The following KALRN variants were observed in gnomAD, a reference collection of about 807,000 sequenced individuals.
The protein encoded by KALRN is kalirin RhoGEF kinase.
Under a neutral mutation model 353.7 loss-of-function variants are expected in KALRN, and 70 were observed. The ratio of observed to expected loss-of-function variants is 0.20; its 90% CI spans 0.16 to 0.24. The LOEUF is 0.24. Ranked by LOEUF, KALRN falls within the 10% of genes least tolerant of loss-of-function variation. The pLI is 1.00. For missense variants in KALRN, 2,791 were observed against 3,756.7 expected, an observed-to-expected ratio of 0.74 and a Z score of 6.72; for synonymous variants, 1,391 against 1,434.8, an observed-to-expected ratio of 0.97 and a Z score of 0.69.
intron 1 of KALRN, among the ~76,000 whole-genome samples, chr3:124,063,045 G>A (rs1018032341): frequency 4.6e-5 from 7 of 152,182 alleles, no homozygotes; most frequent in Non-Finnish European, 2.9e-5. Flanking sequence ...GTTCAGCTTC[G>A]ATGACTGCTC....
chr3:124,261,559 C>T (rs555605492), intron 3 of KALRN, among the ~76,000 whole-genome samples: 13 of 152,290 alleles, frequency 8.5e-5, no homozygotes, highest in South Asian at 2.1e-4. Flanking sequence ...GAACCTCCTA[C>T]GGAATATTAG....
intron 25 of KALRN, among the ~76,000 whole-genome samples, chr3:124,471,449 C>T (rs1451488005): frequency 6.6e-6 from 1 of 151,776 alleles, no homozygotes; most frequent in Admixed American, 6.6e-5. Context: ...CCACGCCTGG[C>T]TAATTTTTTG....
At chr3:124,309,327 T>C (rs2078018329) in intron 6 of KALRN, among the ~76,000 whole-genome samples, 1 of 152,030 alleles carries the variant, frequency 6.6e-6, no homozygotes, top group Admixed American at 6.6e-5. Flanking sequence ...CAGATAAATC[T>C]GTCACACAAG....
At chr3:124,341,985 G>A (rs2081776453) in intron 9 of KALRN, among the ~76,000 whole-genome samples, 1 of 151,866 alleles carries the variant, frequency 6.6e-6, no homozygotes, top group African/African-American at 2.4e-5. Flanking sequence ...AGCTTTTAGG[G>A]TGTTGGGGGG....
intron 25 of KALRN, 102 bp downstream of exon 25, chr3:124,462,735 G>C (rs914996884): frequency 1.5e-6 from 1 of 656,104 alleles, no homozygotes; most frequent in East Asian, 2.8e-5. Flanking sequence ...ATCTTATCTG[G>C]TCAGTTTTCT....
At chr3:124,416,316 C>T (rs1431562721) in intron 14 of KALRN, among the ~76,000 whole-genome samples, 2 of 152,222 alleles carry the variant, frequency 1.3e-5, no homozygotes, top group Non-Finnish European at 2.9e-5. Context: ...TTGAAAGTCC[C>T]TGAGGACTGC....
chr3:124,660,374 C>T (rs1002718987), intron 43 of KALRN, among the ~76,000 whole-genome samples: 1 of 152,128 alleles, frequency 6.6e-6, no homozygotes, highest in Non-Finnish European at 1.5e-5. Flanking sequence ...CTCACTCTTC[C>T]TTCTCCCATA....
chr3:124,155,702 T>C (rs914393760), intron 1 of KALRN, among the ~76,000 whole-genome samples: 1 of 152,216 alleles, frequency 6.6e-6, no homozygotes, highest in African/African-American at 2.4e-5. Flanking sequence ...TCAGGTTAAA[T>C]TCAGTTTTTC....
intron 25 of KALRN, among the ~76,000 whole-genome samples, chr3:124,468,678 C>T (rs1294316717): frequency 2.6e-5 from 4 of 152,168 alleles, no homozygotes; most frequent in African/African-American, 9.7e-5. Context: ...CTGAAACTTA[C>T]AAAGGTTTAT....
chr3:124,274,718 C>A (rs532689110), intron 5 of KALRN, among the ~76,000 whole-genome samples: 63 of 152,296 alleles, frequency 4.1e-4, no homozygotes, highest in Admixed American at 2.4e-3. Context: ...TGGTGCCTAC[C>A]TCCCCCATGA....
intron 1 of KALRN, among the ~76,000 whole-genome samples, chr3:124,114,711 G>A (rs1380423038): frequency 1.3e-5 from 2 of 152,214 alleles, no homozygotes; most frequent in East Asian, 1.9e-4. Context: ...TGAGCATGGG[G>A]AGATATGAGT....
chr3:124,577,615 A>G (rs1187623913), intron 34 of KALRN, among the ~76,000 whole-genome samples: 1 of 152,212 alleles, frequency 6.6e-6, no homozygotes, highest in Admixed American at 6.5e-5. Flanking sequence ...GGCTGGACAC[A>G]GTGGGTCATG....
Position 124,185,278 on chromosome 3 carries a change from A to G in KALRN, c.74-42712A>G, listed in dbSNP as rs532820945. On this transcript the variant is annotated intron_variant, in intron 1 of 59. Coordinates refer to ENST00000682506, the MANE Select transcript of KALRN (RefSeq NM_001388419.1). Reference sequence around the variant, plus strand: ...CCATCTGCCCGTCTTGGCCTCCCAAATTGCTGGGATTACAGGCGTGAGCCA... The same window carrying G: ...CCATCTGCCCGTCTTGGCCTCCCAAGTTGCTGGGATTACAGGCGTGAGCCA... Among the ~76,000 whole-genome samples the G allele has an allele frequency of 4.3e-4, 66 of 152,290 alleles. No individual in the cohort carries two copies. The South Asian group carries it at 0.013, about 31-fold the overall frequency.
At chr3:124,248,479 T>C (rs1022748366) in intron 3 of KALRN, among the ~76,000 whole-genome samples, 4 of 152,126 alleles carry the variant, frequency 2.6e-5, no homozygotes, top group Non-Finnish European at 5.9e-5. Flanking sequence ...GAACTAGCAG[T>C]GGACTCAGTC....
chr3:124,092,627 C>T (rs1011311503), intron 1 of KALRN, among the ~76,000 whole-genome samples: 5 of 152,208 alleles, frequency 3.3e-5, no homozygotes, highest in African/African-American at 9.7e-5. Context: ...TGAGGGCTCC[C>T]GTATCTCAGT....
chr3:124,098,196 C>G, intron 1 of KALRN, among the ~76,000 whole-genome samples: 1 of 152,200 alleles, frequency 6.6e-6, no homozygotes, highest in East Asian at 1.9e-4. Context: ...ATGTCCACCA[C>G]TGGTAGTACA....
chr3:124,152,097 C>T, intron 1 of KALRN: 1 of 1,282,272 alleles, frequency 7.8e-7, no homozygotes, highest in Admixed American at 1.7e-5. Context: ...TTATTTGCTT[C>T]TTTGAAGCGT....
chr3:124,461,644 T>C (rs2059873549), intron 23 of KALRN, among the ~76,000 whole-genome samples: 1 of 151,860 alleles, frequency 6.6e-6, no homozygotes, highest in Non-Finnish European at 1.5e-5. Context: ...GGAGAGAGAA[T>C]ATGGACCTAG....
intron 3 of KALRN, among the ~76,000 whole-genome samples, chr3:124,262,595 C>T (rs1036895186): frequency 6.6e-6 from 1 of 152,154 alleles, no homozygotes; most frequent in Non-Finnish European, 1.5e-5. Flanking sequence ...TTCTCTCATG[C>T]TGGAGAGAGT....
Sources: allele counts gnomAD v4.1 joint callset (sites outside exome capture counted in the v4.1 genomes callset), GRCh38; gene constraint gnomAD v4.1.1; transcripts MANE v1.5; gene names NCBI Gene and HGNC (gene_info 2026-07-23, HGNC 2026-07-21).